Variants in OSBP observed in about 807,000 individuals in gnomAD.
The protein encoded by OSBP is oxysterol binding protein.
A neutral mutation model predicts 96.6 loss-of-function variants in OSBP; 32 were observed. That is an observed-to-expected ratio of 0.33 (90% CI 0.25 to 0.45). The LOEUF (loss-of-function observed/expected upper bound fraction) is 0.45. OSBP is among the 20% of genes least tolerant of loss of function. OSBP has a pLI of 1.00. For missense variants in OSBP, 653 were observed against 1,029.7 expected, an observed-to-expected ratio of 0.63 and a Z score of 5.01; for synonymous variants, 369 against 389.6, an observed-to-expected ratio of 0.95 and a Z score of 0.62.
chr11:59,598,750 C>T (rs916802333), intron 7 of OSBP, among the ~76,000 whole-genome samples: 4 of 152,102 alleles, frequency 2.6e-5, no homozygotes, highest in African/African-American at 9.7e-5. Context: ...CCACCACACC[C>T]GTTTAACTTT....
At chr11:59,598,298 G>A (rs1008442932) in intron 7 of OSBP, among the ~76,000 whole-genome samples, 1 of 152,208 alleles carries the variant, frequency 6.6e-6, no homozygotes, top group Non-Finnish European at 1.5e-5. Flanking sequence ...CGCAGTCTAT[G>A]AAGAGGCAGA....
At chr11:59,596,649 G>A (rs1343007319) in intron 7 of OSBP, among the ~76,000 whole-genome samples, 1 of 152,106 alleles carries the variant, frequency 6.6e-6, no homozygotes, top group Admixed American at 6.5e-5. Flanking sequence ...TGGTAGGGTG[G>A]AGAGATGGGG....
chr11:59,611,150 A>AG lies in OSBP; in HGVS notation c.363-562_363-561insC, dbSNP rs1383251965. On this transcript the variant is annotated intron_variant, in intron 1 of 13. Coordinates refer to ENST00000263847, the MANE Select transcript of OSBP (RefSeq NM_002556.3). ...AACTCCGTCTCAAAAAAAAAAAAAA[A>AG]AAAGAAAGAAAGAAAGAAAGAAAGA... Among the ~76,000 whole-genome samples, 396 of 150,654 alleles carry AG rather than the reference A, an allele frequency of 2.6e-3. 2 individuals are homozygous for AG. Among genetic ancestry groups the AG allele is most frequent in the Non-Finnish European group, 4.0e-3 (269 of 67,754 alleles).
chr11:59,575,922 T>C lies in OSBP; in HGVS notation c.*655A>G, dbSNP rs1166923502. 6.6e-6 allele frequency: 1 copy of C among 152,042 alleles called. No individual in the cohort carries two copies. The highest frequency in any genetic ancestry group is 1.9e-4 in the East Asian group (1 of 5,186). 9.4% of individuals were successfully genotyped at this position (152,042 alleles called of 1,614,324 possible). A position where few individuals can be genotyped will look rare whatever the true frequency, so the allele number is the denominator to read the frequency against. Reference sequence around the variant, plus strand: ...AAGATGATGGAGAACAACAGAGGGGTGTTTGATGCAAGTAAAAACAGAAAC... The same window carrying C: ...AAGATGATGGAGAACAACAGAGGGGCGTTTGATGCAAGTAAAAACAGAAAC... On this transcript the variant is annotated 3_prime_UTR_variant, in exon 14 of 14. Transcript: ENST00000263847.
intron 10 of OSBP, among the ~76,000 whole-genome samples, chr11:59,581,177 G>A (rs942391584): frequency 2.6e-5 from 4 of 152,168 alleles, no homozygotes; most frequent in Admixed American, 1.3e-4. Flanking sequence ...TTGGGGCCAC[G>A]TTTGTTTTTT....
chr11:59,583,660 T>TTTC (rs1300357959), intron 9 of OSBP, among the ~76,000 whole-genome samples: 3 of 129,142 alleles, frequency 2.3e-5, no homozygotes, highest in African/African-American at 3.7e-5. Flanking sequence ...TTTTTTTTTT[T>TTTC]CGAGATGGAG....
At chr11:59,612,277 G>C (rs1405232591) in intron 1 of OSBP, among the ~76,000 whole-genome samples, 3 of 152,178 alleles carry the variant, frequency 2.0e-5, no homozygotes, top group African/African-American at 7.2e-5. Context: ...CTGCCACACT[G>C]TAACATGAAT....
intron 9 of OSBP, 21 bp downstream of exon 9, chr11:59,593,583 T>G: frequency 6.2e-7 from 1 of 1,613,554 alleles, no homozygotes; most frequent in Non-Finnish European, 8.5e-7. Flanking sequence ...GCATTAATTC[T>G]GACAAAGATG....
chr11:59,614,297 G>A (rs1468744649), intron 1 of OSBP, among the ~76,000 whole-genome samples: 1 of 152,122 alleles, frequency 6.6e-6, no homozygotes, highest in African/African-American at 2.4e-5. Flanking sequence ...TTCCTCATCA[G>A]TAAGATGGGA....
chr11:59,583,003 T>C (rs368895864), intron 9 of OSBP, among the ~76,000 whole-genome samples: 1 of 152,082 alleles, frequency 6.6e-6, no homozygotes, highest in Non-Finnish European at 1.5e-5. Flanking sequence ...TTTTAAAAGA[T>C]ATATAGTTAA....
At position 59,594,128 on chromosome 11, in the gene OSBP, G is replaced by A; in HGVS notation, c.1439C>T (p.Thr480Ile). Residue 480 changes from threonine (T) to isoleucine (I), a missense_variant, in exon 8 of 14, where the codon ACC becomes ATC. Physicochemically the swap from Thr to Ile is moderately conservative, Grantham distance 89 (BLOSUM62 -1). Coordinates refer to ENST00000263847, the MANE Select transcript of OSBP (RefSeq NM_002556.3). The part of the protein sequence containing the change: ...LEQLCYVAAF[T>I]VSSYSTTVFR... ...GACAGTAGTGGAGTAGGAGGACACG[G>A]TGAAAGCTGCAACATAACAGAGCTG... 6.2e-7 allele frequency: 1 copy of A among 1,614,138 alleles called. No homozygotes were observed. The highest frequency in any genetic ancestry group is 8.5e-7 in the Non-Finnish European group (1 of 1,180,014).
At chr11:59,599,348 T>C (rs565886436) in intron 7 of OSBP, among the ~76,000 whole-genome samples, 4 of 152,334 alleles carry the variant, frequency 2.6e-5, no homozygotes, top group African/African-American at 9.6e-5. Context: ...GCTTCTTAGA[T>C]GGTAGCCAGA....
At chr11:59,588,194 C>T (rs979824426) in intron 9 of OSBP, among the ~76,000 whole-genome samples, 1 of 152,104 alleles carries the variant, frequency 6.6e-6, no homozygotes, top group African/African-American at 2.4e-5. Context: ...AAAATAGAGA[C>T]AGAAAGTAGA....
At chr11:59,581,675 A>G in intron 9 of OSBP, 121 bp from the exon 10 acceptor site, 5 of 535,892 alleles carry the variant, frequency 9.3e-6, no homozygotes, top group Non-Finnish European at 1.7e-5. Flanking sequence ...GAAATAAAAC[A>G]ATAAATCAAA....
At chr11:59,588,338 A>C (rs1342701864) in intron 9 of OSBP, among the ~76,000 whole-genome samples, 1 of 152,034 alleles carries the variant, frequency 6.6e-6, no homozygotes, top group African/African-American at 2.4e-5. Flanking sequence ...GTTCAAGAAC[A>C]GCCAGGCCAA....
At chr11:59,612,866 G>A (rs1441127547) in intron 1 of OSBP, among the ~76,000 whole-genome samples, 1 of 152,172 alleles carries the variant, frequency 6.6e-6, no homozygotes, top group Non-Finnish European at 1.5e-5. Context: ...AAGGTTTTAA[G>A]TAATGGGACA....
chr11:59,587,412 G>GA (rs1289634461), intron 9 of OSBP, among the ~76,000 whole-genome samples: 53 of 151,680 alleles, frequency 3.5e-4, no homozygotes, highest in Admixed American at 3.4e-3. Context: ...TTAGGCAGGA[G>GA]AATCACCTGA....
Position 59,601,286 on chromosome 11 carries a change from TG to T in OSBP, c.1120del (p.His374ThrfsTer50). ...TCAACAATCAAGGATAACTCACTTG[TG>T]GCCCAAATTTTCAGGCATGGTGATG... ...EIITMPENLG[H>X]KRTGSNISGA... On this transcript the variant is annotated frameshift_variant, in exon 5 of 14. Coordinates refer to ENST00000263847, the MANE Select transcript of OSBP (RefSeq NM_002556.3). LOFTEE classifies it high-confidence loss of function. The T allele has an allele frequency of 6.3e-7, 1 of 1,590,414 alleles. No individual in the cohort carries two copies. Among genetic ancestry groups the T allele is most frequent in the Non-Finnish European group, 8.6e-7 (1 of 1,158,636 alleles).
Position 59,576,415 on chromosome 11 carries a change from C to T in OSBP, c.*162G>A. ...TCAGCTAAGGCAACCAGCCAATCAC[C>T]ACCACTGGTGTCTCCTTCTGGTGAT... On this transcript the variant is annotated 3_prime_UTR_variant, in exon 14 of 14. Coordinates refer to ENST00000263847, the MANE Select transcript of OSBP (RefSeq NM_002556.3). 1 of 756,322 alleles carries T rather than the reference C, an allele frequency of 1.3e-6. No homozygotes were observed. Among genetic ancestry groups the T allele is most frequent in the South Asian group, 1.9e-5 (1 of 52,982 alleles). The allele number at this position is 756,322 out of a possible 1,614,324, so 46.9% of individuals were successfully genotyped here. A position where few individuals can be genotyped will look rare whatever the true frequency, so the allele number is the denominator to read the frequency against.
Sources: gnomAD v4.1 joint callset for allele counts (sites outside exome capture counted in the v4.1 genomes callset) on GRCh38, gnomAD v4.1.1 for gene constraint, MANE v1.5 for transcripts, NCBI Gene and HGNC (gene_info 2026-07-23, HGNC 2026-07-21) for gene names.